ADAMTSL5: variants seen among roughly 807,000 people sequenced by gnomAD.
ADAMTSL5 encodes the protein ADAMTS like 5, also known as ADAMTS-like protein 5.
A neutral mutation model predicts 51.7 loss-of-function variants in ADAMTSL5; 53 were observed. The ratio of observed to expected loss-of-function variants is 1.03; its 90% CI spans 0.82 to 1.29. The LOEUF (loss-of-function observed/expected upper bound fraction) is 1.29, where lower values mean the gene tolerates loss of function less well. Ranked by LOEUF, ADAMTSL5 falls within the 50% of genes most tolerant of loss-of-function variation. The pLI is 0.00. For synonymous variants in ADAMTSL5, 285 were observed against 278.7 expected (o/e 1.02, Z -0.23); for missense variants, 770 against 676.2 (o/e 1.14, Z -1.54).
rs2145489482 is a variant in ADAMTSL5 at position 1,505,757 on chromosome 19, C to G, written c.*258G>C. On this transcript the variant is annotated 3_prime_UTR_variant, in exon 12 of 12. Coordinates refer to ENST00000330475, the MANE Select transcript of ADAMTSL5 (RefSeq NM_213604.3). ...TCTGAGTATAAATAGCTATGAGCTT[C>G]CTGGCAGCCAAGGAGAGAGGCGAAA... 2.3e-6 allele frequency: 1 copy of G among 441,762 alleles called. No individual in the cohort carries two copies. The highest frequency in any genetic ancestry group is 2.0e-5 in the African/African-American group (1 of 48,942). 27.4% of individuals were successfully genotyped at this position (441,762 alleles called of 1,614,324 possible).
At chr19:1,508,606 T>A in intron 5 of ADAMTSL5, 36 bp from the exon 6 acceptor site, 1 of 1,481,304 alleles carries the variant, frequency 6.8e-7, no homozygotes, top group Non-Finnish European at 9.0e-7. Context: ...CGGGGACCCC[T>A]GTTCGAGCTC....
At chr19:1,508,790 T>C (rs1913104857) in intron 5 of ADAMTSL5, 3 of 477,892 alleles carry the variant, frequency 6.3e-6, no homozygotes, top group African/African-American at 2.0e-5. Flanking sequence ...CATTCATTCA[T>C]TCATTCATTC....
In ADAMTSL5 at chr19:1,507,504, C is replaced by A. The variant is rs567140567; in HGVS notation, c.688+53G>T. ...CAGTCTCCCCATCTGTAAACAGGGA[C>A]AACCGCCCCCGGGTGCCCAGCCGGG... On this transcript the variant is annotated intron_variant, in intron 8 of 11. Coordinates refer to ENST00000330475, the MANE Select transcript of ADAMTSL5 (RefSeq NM_213604.3). 2.7e-5 allele frequency: 44 copies of A among 1,612,318 alleles called. No individual in the cohort carries two copies. In the South Asian group the frequency reaches 4.6e-4, roughly 17 times the overall value.
chr19:1,511,467 C>G (rs1036716415), intron 1 of ADAMTSL5, among the ~76,000 whole-genome samples: 4 of 152,198 alleles, frequency 2.6e-5, no homozygotes, highest in African/African-American at 9.7e-5. Flanking sequence ...GCCACTGCAC[C>G]CAGCCTACAA....
rs758765813 is a variant in ADAMTSL5 at position 1,508,053 on chromosome 19, G to A, written c.546C>T (p.Arg182=). The A allele has an allele frequency of 1.9e-6, 3 of 1,610,286 alleles. No individual in the cohort carries two copies. The highest frequency in any genetic ancestry group is 2.5e-6 in the Non-Finnish European group (3 of 1,179,056). Residue 182 remains arginine (R), a synonymous_variant, in exon 7 of 12, where the codon CGC becomes CGT. Transcript: ENST00000330475. The part of the protein sequence containing the change: ...GSGALEDRCG[R]CGGANDSCLF... Reference sequence around the variant, plus strand: ...GGCACGAGTCGTTGGCGCCTCCGCAGCGGCCACAGCGGTCCTCGAGGGCAC... The same window carrying A: ...GGCACGAGTCGTTGGCGCCTCCGCAACGGCCACAGCGGTCCTCGAGGGCAC...
rs1459076258 is a variant in ADAMTSL5 at position 1,508,030 on chromosome 19, C to T, written c.569G>A (p.Cys190Tyr). ...CGRCGGANDS[C>Y]LFVQRVFRDA... ...ACGAAACACGCGCTGCACGAAAAGG[C>T]ACGAGTCGTTGGCGCCTCCGCAGCG... The change falls in exon 7 of 12, where the codon TGC (cysteine) becomes TAC (tyrosine). Residue 190 changes from cysteine (C) to tyrosine (Y), a missense_variant. Transcript: ENST00000330475. 1.2e-6 allele frequency: 2 copies of T among 1,607,434 alleles called. No homozygotes were observed. Among genetic ancestry groups the T allele is most frequent in the Non-Finnish European group, 8.5e-7 (1 of 1,177,692 alleles).
chr19:1,508,122 G>A lies in ADAMTSL5; in HGVS notation c.490-13C>T, dbSNP rs781751970. ...CACAGCCGGCGCTCTAAAGGGTGAA[G>A]GACAGGCGCGGCGTCACTGACGCTG... is the stretch of plus-strand genomic sequence containing the variant. On this transcript the variant is annotated splice_polypyrimidine_tract_variant and intron_variant, in intron 6 of 11. Coordinates refer to ENST00000330475, the MANE Select transcript of ADAMTSL5 (RefSeq NM_213604.3). The A allele has an allele frequency of 8.1e-6, 13 of 1,597,866 alleles. No homozygotes were observed. The South Asian group carries it at 1.0e-4, about 12-fold the overall frequency.
chr19:1,512,249 A>G (rs1427531366), intron 1 of ADAMTSL5, among the ~76,000 whole-genome samples: 1 of 152,160 alleles, frequency 6.6e-6, no homozygotes, highest in Non-Finnish European at 1.5e-5. Context: ...TGGACTTCTG[A>G]GGCACCAAGG....
chr19:1,510,360 G>A lies in ADAMTSL5; in HGVS notation c.252+8C>T. The stretch of plus-strand genomic sequence containing the variant: ...GGGAGAGTGGTCTGGGAGGTGGGCA[G>A]GGCTTACTGGCAACTGGCAGAGGCG... On this transcript the variant is annotated splice_region_variant and intron_variant, in intron 4 of 11. Coordinates refer to ENST00000330475, the MANE Select transcript of ADAMTSL5 (RefSeq NM_213604.3). 1 of 1,613,772 alleles carries A rather than the reference G, an allele frequency of 6.2e-7. No individual in the cohort carries two copies. Among genetic ancestry groups the A allele is most frequent in the South Asian group, 1.1e-5 (1 of 91,054 alleles).
At chr19:1,507,711 T>G (rs791462) in intron 7 of ADAMTSL5, 68 bp from the exon 8 acceptor site, 40,383 of 1,482,472 alleles carry the variant, frequency 0.027, 711 homozygotes, top group Middle Eastern at 0.033. Context: ...CTTGAGGATT[T>G]AATGAGCTAC....
chr19:1,506,899 G>C lies in ADAMTSL5; in HGVS notation c.882C>G (p.Ile294Met), dbSNP rs1378418466. The change falls in exon 10 of 12, where the codon ATC becomes ATG. Residue 294 changes from isoleucine to methionine, a missense_variant. Ile to Met is a conservative substitution (Grantham distance 10, BLOSUM62 1). Coordinates refer to ENST00000330475, the MANE Select transcript of ADAMTSL5 (RefSeq NM_213604.3). The surrounding 1 kb of genome is among the most constrained non-coding windows in gnomAD (Gnocchi z 5.6). ...QVLLQEPNPG[I>M]EFEFWLPRER... is the part of the protein sequence containing the mutation. ...CCCGAGGGAGCCAGAACTCAAACTC[G>C]ATGCCAGGGTTGGGCTCCTGCAGGA... 3.2e-6 allele frequency: 5 copies of C among 1,548,896 alleles called. No homozygotes were observed. Among genetic ancestry groups the C allele is most frequent in the Admixed American group, 2.0e-5 (1 of 50,590 alleles).
At position 1,506,592 on chromosome 19, in the gene ADAMTSL5, A is replaced by G; in HGVS notation, c.1112T>C (p.Phe371Ser). Reference sequence around the variant, plus strand: ...AGGGTAGAGGTCGGGGGTCTCACCAAAGTCACTGCCGCAATAGTGGAGTAG... The same window carrying G: ...AGGGTAGAGGTCGGGGGTCTCACCAGAGTCACTGCCGCAATAGTGGAGTAG... ...HRLLHYCGSDFVFQARVLGHH... is the reference protein window; with the variant it reads ...HRLLHYCGSDSVFQARVLGHH... The change falls in exon 11 of 12, where the codon TTT (phenylalanine) becomes TCT (serine). Residue 371 changes from phenylalanine (F) to serine (S), a missense_variant and splice_region_variant. Phe to Ser is a radical substitution (Grantham distance 155). Coordinates refer to ENST00000330475, the MANE Select transcript of ADAMTSL5 (RefSeq NM_213604.3). The surrounding 1 kb of genome is among the most constrained non-coding windows in gnomAD (Gnocchi z 5.6). 1 of 1,611,282 alleles carries G rather than the reference A, an allele frequency of 6.2e-7. No individual in the cohort carries two copies. The highest frequency in any genetic ancestry group is 2.2e-5 in the East Asian group (1 of 44,728).
In ADAMTSL5 at chr19:1,511,130, C is replaced by T. The variant is rs1249806194; in HGVS notation, c.-187G>A. On this transcript the variant is annotated 5_prime_UTR_variant, in exon 2 of 12. Transcript: ENST00000330475. Reference sequence around the variant, plus strand: ...TAAAGAAGACAGGAGACGTGGAGCCCGGTATGGAGAGGAAGAACTCAGAAT... The same window carrying T: ...TAAAGAAGACAGGAGACGTGGAGCCTGGTATGGAGAGGAAGAACTCAGAAT... The T allele has an allele frequency of 1.2e-5, 5 of 415,692 alleles. No individual in the cohort carries two copies. The highest frequency in any genetic ancestry group is 6.2e-5 in the African/African-American group (3 of 48,630). 25.8% of individuals were successfully genotyped at this position (415,692 alleles called of 1,614,324 possible). A position where few individuals can be genotyped will look rare whatever the true frequency, so the allele number is the denominator to read the frequency against.
At chr19:1,508,213 G>A (rs1568242729) in intron 6 of ADAMTSL5, 104 bp from the exon 7 acceptor site, 1 of 1,345,450 alleles carries the variant, frequency 7.4e-7, no homozygotes, top group East Asian at 2.5e-5. Context: ...GAGGGAAGAT[G>A]GGGGTGGAGC....
intron 7 of ADAMTSL5, 143 bp from the exon 8 acceptor site, chr19:1,507,786 C>G (rs1391934632): frequency 1.4e-5 from 14 of 1,013,886 alleles, no homozygotes; most frequent in Non-Finnish European, 1.6e-5. Flanking sequence ...TTTGGAGTTA[C>G]AATTACTATT....
At position 1,510,258 on chromosome 19, in the gene ADAMTSL5, C is replaced by T. The variant is rs200659727; in HGVS notation, c.253G>A (p.Asp85Asn). 9 of 1,613,174 alleles carry T rather than the reference C, an allele frequency of 5.6e-6. No individual in the cohort carries two copies. The African/African-American group carries it at 1.2e-4, about 22-fold the overall frequency. Residue 85 changes from aspartate to asparagine, a missense_variant and splice_region_variant, in exon 5 of 12, where the codon GAC (aspartate) becomes AAC (asparagine). Coordinates refer to ENST00000330475, the MANE Select transcript of ADAMTSL5 (RefSeq NM_213604.3). ...SHEYRLCQLP[D>N]CPPGAVPFRD... ...AAGGGCACAGCCCCTGGGGGGCAGTCCTAGGGACAGAGATAGGTGAGCCAG... is the reference window on the plus strand; with the variant it reads ...AAGGGCACAGCCCCTGGGGGGCAGTTCTAGGGACAGAGATAGGTGAGCCAG...
chr19:1,507,155 G>T lies in ADAMTSL5; in HGVS notation c.852+87C>A. The T allele has an allele frequency of 2.3e-6, 3 of 1,317,732 alleles. No homozygotes were observed. In the East Asian group the frequency reaches 1.0e-4, roughly 44 times the overall value. The allele number at this position is 1,317,732 out of a possible 1,614,324, so 81.6% of individuals were successfully genotyped here. On this transcript the variant is annotated intron_variant, in intron 9 of 11. Transcript: ENST00000330475. ...CCCCAGACTCCCCCTTCTGGCCCCA[G>T]TCACCTCCACTCCTACCCTCTGTCC...
chr19:1,507,389 A>G lies in ADAMTSL5; in HGVS notation c.705T>C (p.Asp235=), dbSNP rs755828488. 42 of 1,573,072 alleles carry G rather than the reference A, an allele frequency of 2.7e-5. No individual in the cohort carries two copies. Among genetic ancestry groups the G allele is most frequent in the Non-Finnish European group, 3.5e-5 (40 of 1,158,784 alleles). The change falls in exon 9 of 12, where the codon GAT becomes GAC. Residue 235 remains aspartate, a synonymous_variant. Coordinates refer to ENST00000330475, the MANE Select transcript of ADAMTSL5 (RefSeq NM_213604.3). ...SRNHLALMGG[D]GRYVLNGHWV... Reference sequence around the variant, plus strand: ...AGTGCCCATTAAGCACGTAGCGCCCATCGCCCCCCATCAGTGCTGCAAGGG... The same window carrying G: ...AGTGCCCATTAAGCACGTAGCGCCCGTCGCCCCCCATCAGTGCTGCAAGGG...
rs1264249475 is a variant in ADAMTSL5 at position 1,510,911 on chromosome 19, G to T, written c.33C>A (p.His11Gln). Residue 11 changes from histidine to glutamine, a missense_variant, in exon 2 of 12, where the codon CAC becomes CAA. Transcript: ENST00000330475. ...GGAAGAGCAGGAGGTTCTGGAAGAGGTGGGGCCTGGGGAACAGAGGGGCCG... is the reference window on the plus strand; with the variant it reads ...GGAAGAGCAGGAGGTTCTGGAAGAGTTGGGGCCTGGGGAACAGAGGGGCCG... MDSAPLFPRP[H>Q]LFQNLLLFLW... The T allele has an allele frequency of 2.0e-6, 3 of 1,485,612 alleles. No individual in the cohort carries two copies. Among genetic ancestry groups the T allele is most frequent in the Non-Finnish European group, 2.7e-6 (3 of 1,127,796 alleles). The allele number at this position is 1,485,612 out of a possible 1,614,324, so 92.0% of individuals were successfully genotyped here. A position where few individuals can be genotyped will look rare whatever the true frequency, so the allele number is the denominator to read the frequency against.
Sources: allele counts gnomAD v4.1 joint callset (sites outside exome capture counted in the v4.1 genomes callset), GRCh38; gene constraint gnomAD v4.1.1; non-coding constraint Gnocchi (gnomAD v3.1); transcripts MANE v1.5; gene names NCBI Gene and HGNC (gene_info 2026-07-23, HGNC 2026-07-21).